Variants in RASAL2 observed in about 807,000 individuals in gnomAD.
The protein encoded by RASAL2 is RAS protein activator like 2.
A neutral mutation model predicts 128.9 loss-of-function variants in RASAL2; 58 were observed. That is an observed-to-expected ratio of 0.45 (90% CI 0.36 to 0.56). The LOEUF (loss-of-function observed/expected upper bound fraction) is 0.56, where lower values mean the gene tolerates loss of function less well. Among genes scored for constraint, RASAL2 ranks in the 20% least tolerant of loss-of-function variants. The pLI is 0.00. For synonymous variants in RASAL2, 561 were observed against 580.8 expected (o/e 0.97, Z 0.49); for missense variants, 1,360 against 1,601.6 (o/e 0.85, Z 2.57).
intron 1 of RASAL2, among the ~76,000 whole-genome samples, chr1:178,109,741 C>T (rs555191808): frequency 2.6e-5 from 4 of 152,124 alleles, no homozygotes; most frequent in East Asian, 1.9e-4. Flanking sequence ...CAGATTTAGG[C>T]GAGGCATGGT....
intron 1 of RASAL2, among the ~76,000 whole-genome samples, chr1:178,143,456 A>G (rs946515525): frequency 3.3e-5 from 5 of 152,132 alleles, no homozygotes; most frequent in Non-Finnish European, 7.4e-5. Context: ...GATTTAAAAA[A>G]AACCCCAAAT....
intron 4 of RASAL2, among the ~76,000 whole-genome samples, chr1:178,390,642 G>A (rs1362316287): frequency 1.3e-5 from 2 of 152,090 alleles, no homozygotes; most frequent in African/African-American, 4.8e-5. Flanking sequence ...GCCTCCCAAA[G>A]TGTTGGGATT....
chr1:178,305,674 T>A (rs1667951340), intron 3 of RASAL2, among the ~76,000 whole-genome samples: 1 of 152,168 alleles, frequency 6.6e-6, no homozygotes, highest in African/African-American at 2.4e-5. Flanking sequence ...ACACGTTAAG[T>A]TTGAGGGTAT....
At chr1:178,151,635 C>G (rs1660918132) in intron 1 of RASAL2, among the ~76,000 whole-genome samples, 1 of 152,164 alleles carries the variant, frequency 6.6e-6, no homozygotes, top group African/African-American at 2.4e-5. Context: ...GGTAGCTCAC[C>G]TCCAAAATGG....
intron 1 of RASAL2, among the ~76,000 whole-genome samples, chr1:178,278,874 T>C (rs1666647482): frequency 6.6e-6 from 1 of 151,824 alleles, no homozygotes; most frequent in Non-Finnish European, 1.5e-5. Context: ...TTTGTCATTT[T>C]TGTCAAGTAA....
At chr1:178,108,637 C>T (rs1482180428) in intron 1 of RASAL2, among the ~76,000 whole-genome samples, 1 of 152,162 alleles carries the variant, frequency 6.6e-6, no homozygotes, top group Non-Finnish European at 1.5e-5. Context: ...AATCTGTGCT[C>T]TTAATCACTA....
chr1:178,258,070 G>A (rs559233203), intron 1 of RASAL2, among the ~76,000 whole-genome samples: 5 of 151,988 alleles, frequency 3.3e-5, no homozygotes, highest in East Asian at 3.9e-4. Flanking sequence ...CAAGGCGGGC[G>A]GATCATGAGG....
intron 3 of RASAL2, among the ~76,000 whole-genome samples, chr1:178,374,797 T>C (rs1054899006): frequency 6.6e-6 from 1 of 152,144 alleles, no homozygotes; most frequent in African/African-American, 2.4e-5. Context: ...GTTTCTTCTG[T>C]CAGCAGTGTT....
intron 1 of RASAL2, among the ~76,000 whole-genome samples, chr1:178,106,913 C>A (rs1659109031): frequency 6.6e-6 from 1 of 152,126 alleles, no homozygotes; most frequent in South Asian, 2.1e-4. Context: ...TTTGTAATAT[C>A]TATTAGCTGA....
intron 1 of RASAL2, among the ~76,000 whole-genome samples, chr1:178,270,234 G>C (rs1215953725): frequency 2.0e-5 from 3 of 151,556 alleles, no homozygotes; most frequent in Non-Finnish European, 4.4e-5. Context: ...CTGGACACTC[G>C]GGTTTCGATC....
chr1:178,104,006 A>G (rs535172364), intron 1 of RASAL2, among the ~76,000 whole-genome samples: 34 of 151,772 alleles, frequency 2.2e-4, no homozygotes, highest in Admixed American at 3.9e-4. Context: ...TTCCCCCTCT[A>G]CATACACTAA....
Position 178,139,158 on chromosome 1 carries a change from G to A in RASAL2, c.202+44464G>A, listed in dbSNP as rs115578664. Among the ~76,000 whole-genome samples the A allele has an allele frequency of 2.9e-3, 436 of 152,080 alleles. 7 individuals carry two copies. Among genetic ancestry groups the A allele is most frequent in the Non-Finnish European group, 1.6e-3 (107 of 67,898 alleles). On this transcript the variant is annotated intron_variant, in intron 1 of 17. Transcript: ENST00000367649. The stretch of plus-strand genomic sequence containing the variant: ...ATACATATTTCTGGTATTAATGTTA[G>A]GGAGTGGATTTTAATAAAAATATCT...
chr1:178,342,335 C>G (rs1251838425), intron 3 of RASAL2, among the ~76,000 whole-genome samples: 1 of 152,172 alleles, frequency 6.6e-6, no homozygotes, highest in East Asian at 1.9e-4. Context: ...AAACCCAGAT[C>G]TCCTTATTGT....
At chr1:178,221,930 T>C (rs1291641193) in intron 1 of RASAL2, among the ~76,000 whole-genome samples, 1 of 152,220 alleles carries the variant, frequency 6.6e-6, no homozygotes, top group Non-Finnish European at 1.5e-5. Context: ...TCCTATCTCT[T>C]AATGCTCTGT....
At chr1:178,279,198 C>T (rs1196025526) in intron 1 of RASAL2, among the ~76,000 whole-genome samples, 3 of 152,130 alleles carry the variant, frequency 2.0e-5, no homozygotes, top group Admixed American at 6.5e-5. Flanking sequence ...ATTGGACTTC[C>T]TGTTATATAT....
chr1:178,117,583 G>A (rs1458704604), intron 1 of RASAL2, among the ~76,000 whole-genome samples: 3 of 152,160 alleles, frequency 2.0e-5, no homozygotes. Flanking sequence ...GGGCCTTTAG[G>A]AGGTGATTCA....
intron 1 of RASAL2, among the ~76,000 whole-genome samples, chr1:178,164,535 A>G (rs1443885265): frequency 7.3e-6 from 1 of 137,204 alleles, no homozygotes; most frequent in Non-Finnish European, 1.6e-5. Flanking sequence ...TTTAAACTGT[A>G]TTTCCCCTTC....
chr1:178,293,824 G>A (rs1667381983), intron 2 of RASAL2, among the ~76,000 whole-genome samples: 1 of 152,226 alleles, frequency 6.6e-6, no homozygotes, highest in Non-Finnish European at 1.5e-5. Context: ...GACAGAGAAA[G>A]ATGTGTTACC....
intron 1 of RASAL2, among the ~76,000 whole-genome samples, chr1:178,268,869 A>G (rs148824813): frequency 1.3e-5 from 2 of 152,292 alleles, no homozygotes; most frequent in East Asian, 1.9e-4. Flanking sequence ...GTGGATAGTT[A>G]TCAACCTCCT....
Sources: gnomAD v4.1 joint callset for allele counts (sites outside exome capture counted in the v4.1 genomes callset) on GRCh38, gnomAD v4.1.1 for gene constraint, MANE v1.5 for transcripts, NCBI Gene and HGNC (gene_info 2026-07-23, HGNC 2026-07-21) for gene names.